Variants in TASP1 observed in about 807,000 individuals in gnomAD.
TASP1 encodes threonine aspartase 1.
In TASP1, 16 loss-of-function variants were observed where a neutral mutation model predicts 56.6. That is an observed-to-expected ratio of 0.28 (90% CI 0.19 to 0.43). TASP1 has a LOEUF of 0.43. TASP1 is among the 20% of genes least tolerant of loss of function. The pLI, the probability that TASP1 is intolerant of heterozygous loss-of-function variation, is 1.00. For synonymous variants in TASP1, 179 were observed against 184.2 expected, an observed-to-expected ratio of 0.97 and a Z score of 0.23; for missense variants, 393 against 511.6, an observed-to-expected ratio of 0.77 and a Z score of 2.24.
intron 12 of TASP1, among the ~76,000 whole-genome samples, chr20:13,429,182 T>C (rs2042717130): frequency 6.6e-6 from 1 of 152,212 alleles, no homozygotes; most frequent in Admixed American, 6.5e-5. Context: ...CAGTCATTGT[T>C]AGAAGGAATG....
In TASP1 at chr20:13,606,307, T is replaced by C. The variant is rs1420829092; in HGVS notation, c.282+17139A>G. ...CATCTTCACATGGCTTTCTCCCCCATTTCATTCATGTCTCTGTTCAAAAGT... is the reference window on the plus strand; with the variant it reads ...CATCTTCACATGGCTTTCTCCCCCACTTCATTCATGTCTCTGTTCAAAAGT... On this transcript the variant is annotated intron_variant, in intron 4 of 13. Transcript: ENST00000337743. Among the ~76,000 whole-genome samples the C allele has an allele frequency of 4.6e-5, 7 of 152,258 alleles. No individual in the cohort carries two copies. The South Asian group carries it at 6.2e-4, about 14-fold the overall frequency.
chr20:13,368,284 G>A, the TASP1 span: 2 of 152,114 alleles, frequency 1.3e-5, no homozygotes, highest in Admixed American at 6.6e-5. Context: ...ACTCACAGAA[G>A]CATCAGTTTC....
intron 13 of TASP1, among the ~76,000 whole-genome samples, chr20:13,411,713 C>G (rs903622607): frequency 1.3e-5 from 2 of 152,164 alleles, no homozygotes; most frequent in African/African-American, 2.4e-5. Context: ...TTCTTATAGT[C>G]CAGGCACCAG....
At chr20:13,476,801 A>G (rs1301366178) in intron 11 of TASP1, among the ~76,000 whole-genome samples, 1 of 152,180 alleles carries the variant, frequency 6.6e-6, no homozygotes, top group Admixed American at 6.6e-5. Context: ...CAGTTTGGAC[A>G]TGTGAGTATA....
the TASP1 span, among the ~76,000 whole-genome samples, chr20:13,203,063 T>C: frequency 1.3e-5 from 2 of 152,194 alleles, no homozygotes; most frequent in Admixed American, 6.5e-5. Context: ...TGTTTTATCA[T>C]TCAAATTCTA....
the TASP1 span, among the ~76,000 whole-genome samples, chr20:13,278,960 G>A: frequency 3.3e-5 from 5 of 152,162 alleles, no homozygotes. Flanking sequence ...CCAAGAGAAT[G>A]AAAATGAAAG....
the TASP1 span, among the ~76,000 whole-genome samples, chr20:13,143,984 C>T: frequency 6.6e-6 from 1 of 152,148 alleles, no homozygotes; most frequent in Non-Finnish European, 1.5e-5. Flanking sequence ...TGAGCTTTGT[C>T]TTCCTAACCC....
At chr20:13,299,463 G>C in the TASP1 span, 10 of 1,588,824 alleles carry the variant, frequency 6.3e-6, no homozygotes, top group Admixed American at 3.4e-5. This position sits in a 1 kb window ranked among gnomAD's most constrained non-coding sequence, Gnocchi z 5.8. Flanking sequence ...ATATTAAAGA[G>C]ACTGGGATGA....
At chr20:13,632,631 T>C (rs2049141513) in intron 1 of TASP1, among the ~76,000 whole-genome samples, 1 of 152,168 alleles carries the variant, frequency 6.6e-6, no homozygotes, top group Non-Finnish European at 1.5e-5. Context: ...CCAAAAATCC[T>C]GGCCCTAAAG....
chr20:13,605,163 T>C, intron 4 of TASP1, among the ~76,000 whole-genome samples: 1 of 152,038 alleles, frequency 6.6e-6, no homozygotes, highest in East Asian at 1.9e-4. Flanking sequence ...CAGATAATGG[T>C]TGCCAGGGGC....
At chr20:13,212,851 G>C in the TASP1 span, among the ~76,000 whole-genome samples, 2 of 152,106 alleles carry the variant, frequency 1.3e-5, no homozygotes, top group Non-Finnish European at 2.9e-5. Flanking sequence ...ATCCTGTTTA[G>C]AGTTTACAAG....
At chr20:13,513,270 T>C (rs557292080) in intron 10 of TASP1, among the ~76,000 whole-genome samples, 6 of 152,222 alleles carry the variant, frequency 3.9e-5, no homozygotes, top group East Asian at 1.9e-4. Flanking sequence ...TTTAAGCCAA[T>C]AGTCTCGTCC....
the TASP1 span, chr20:13,298,982 G>A: frequency 6.2e-7 from 1 of 1,613,608 alleles, no homozygotes; most frequent in Non-Finnish European, 8.5e-7. Flanking sequence ...GCAAAAGCGA[G>A]TTCTTAAAGA....
chr20:13,322,858 G>C, the TASP1 span, among the ~76,000 whole-genome samples: 3 of 152,086 alleles, frequency 2.0e-5, no homozygotes, highest in Admixed American at 6.6e-5. Flanking sequence ...ATCTGGATAA[G>C]CTCACACCTC....
At chr20:13,280,984 C>T in the TASP1 span, among the ~76,000 whole-genome samples, 1 of 152,196 alleles carries the variant, frequency 6.6e-6, no homozygotes, top group Non-Finnish European at 1.5e-5. Context: ...TGTCTTACAC[C>T]ATTTGCATGC....
At chr20:13,610,971 A>G (rs2048330263) in intron 4 of TASP1, among the ~76,000 whole-genome samples, 1 of 152,214 alleles carries the variant, frequency 6.6e-6, no homozygotes, top group South Asian at 2.1e-4. Flanking sequence ...CAAATGATCC[A>G]TGAGAGGCTA....
At chr20:13,580,094 C>A (rs551124515) in intron 6 of TASP1, among the ~76,000 whole-genome samples, 1 of 152,256 alleles carries the variant, frequency 6.6e-6, no homozygotes, top group Non-Finnish European at 1.5e-5. Flanking sequence ...GTTGTGCAAA[C>A]ACAGAATTAC....
At chr20:13,427,032 T>C (rs2042638018) in intron 12 of TASP1, among the ~76,000 whole-genome samples, 1 of 152,238 alleles carries the variant, frequency 6.6e-6, no homozygotes, top group South Asian at 2.1e-4. Context: ...TTGATGGTTA[T>C]GTTTATGATC....
the TASP1 span, chr20:13,167,521 G>C: frequency 6.6e-6 from 1 of 152,136 alleles, no homozygotes; most frequent in Non-Finnish European, 1.5e-5. Context: ...AAATCTGGTT[G>C]GTTGAGAAAT....
Sources: gnomAD v4.1 joint callset for allele counts (sites outside exome capture counted in the v4.1 genomes callset) on GRCh38, gnomAD v4.1.1 for gene constraint, Gnocchi (gnomAD v3.1) non-coding constraint, MANE v1.5 for transcripts, NCBI Gene and HGNC (gene_info 2026-07-23, HGNC 2026-07-21) for gene names.